Variants in SLC9A7 observed in about 807,000 individuals in gnomAD.
The protein encoded by SLC9A7 is solute carrier family 9 member A7.
In SLC9A7, 19 loss-of-function variants were observed where a neutral mutation model predicts 52.6. The observed-to-expected ratio is 0.36, with a 90% CI of 0.25 to 0.53. The LOEUF (loss-of-function observed/expected upper bound fraction) is 0.53. SLC9A7 is among the 20% of genes least tolerant of loss of function. SLC9A7 has a pLI of 0.91. For missense variants in SLC9A7, 455 were observed against 597.9 expected, an observed-to-expected ratio of 0.76 and a Z score of 2.49; for synonymous variants, 226 against 252.1, an observed-to-expected ratio of 0.90 and a Z score of 0.98.
chrX:46,741,523 A>C (rs1206792703), intron 1 of SLC9A7, among the ~76,000 whole-genome samples: 1 of 111,659 alleles, frequency 9.0e-6, no homozygotes, highest in African/African-American at 3.2e-5. Flanking sequence ...ACAGTAATTC[A>C]GTGAAGAAAA....
At chrX:46,728,137 T>C (rs1489247509) in intron 1 of SLC9A7, among the ~76,000 whole-genome samples, 1 of 111,428 alleles carries the variant, frequency 9.0e-6, no homozygotes, top group Non-Finnish European at 1.9e-5. Context: ...GCACAAGCCA[T>C]AAAGGAAAAA....
rs1367580906 is a variant in SLC9A7 at position 46,643,162 on chromosome X, C to T, written c.1616+74G>A. 20 of 1,019,054 alleles carry T rather than the reference C, an allele frequency of 2.0e-5. 1 individual carries two copies. Among genetic ancestry groups the T allele is most frequent in the Admixed American group, 1.9e-4 (8 of 41,805 alleles). The allele number at this position is 1,019,054 out of a possible 1,213,427, so 84.0% of individuals were successfully genotyped here. On this transcript the variant is annotated intron_variant, in intron 12 of 16. Transcript: ENST00000616978. The stretch of plus-strand genomic sequence containing the variant: ...GTTTCCATGAACTAAAGTAGCACAT[C>T]CTGCACAGGTTGTTGAACATTCTCA...
At chrX:46,747,536 C>T (rs1170663350) in intron 1 of SLC9A7, among the ~76,000 whole-genome samples, 3 of 110,449 alleles carry the variant, frequency 2.7e-5, no homozygotes, top group African/African-American at 6.6e-5. Flanking sequence ...TTTCAAACTC[C>T]TCATTTTTCC....
At position 46,682,960 on chromosome X, in the gene SLC9A7, A is replaced by ATTTTTTTTTTTTTTTTTTTTTTTTTTT. The variant is rs1169630244; in HGVS notation, c.326-426_326-425insAAAAAAAAAAAAAAAAAAAAAAAAAAA. On this transcript the variant is annotated intron_variant, in intron 1 of 16. Coordinates refer to ENST00000616978, the MANE Select transcript of SLC9A7 (RefSeq NM_001257291.2). ...AGGCACCCACCACTACACCCGGCTA[A>ATTTTTTTTTTTTTTTTTTTTTTTTTTT]TTTTTTTTTTTTTTTTTTTTTTGTA... Among the ~76,000 whole-genome samples the ATTTTTTTTTTTTTTTTTTTTTTTTTTT allele has an allele frequency of 2.2e-4, 14 of 64,906 alleles. 2 individuals are homozygous for ATTTTTTTTTTTTTTTTTTTTTTTTTTT. Among genetic ancestry groups the ATTTTTTTTTTTTTTTTTTTTTTTTTTT allele is most frequent in the East Asian group, 4.9e-4 (1 of 2,026 alleles). The allele number at this position is 64,906 out of a possible 115,157, so 56.4% of individuals were successfully genotyped here.
intron 14 of SLC9A7, among the ~76,000 whole-genome samples, chrX:46,623,874 A>G (rs1943082391): frequency 8.9e-6 from 1 of 112,018 alleles, no homozygotes; most frequent in African/African-American, 3.3e-5. Context: ...ATTTATGCTA[A>G]TAAGGTGACT....
intron 1 of SLC9A7, among the ~76,000 whole-genome samples, chrX:46,749,941 C>T (rs762727596): frequency 1.8e-5 from 2 of 109,964 alleles, no homozygotes; most frequent in Non-Finnish European, 3.8e-5. Flanking sequence ...ATTAGCCAGG[C>T]GTGGTGGAGC....
chrX:46,717,383 C>T (rs1196488005), intron 1 of SLC9A7, among the ~76,000 whole-genome samples: 8 of 111,785 alleles, frequency 7.2e-5, no homozygotes, highest in Non-Finnish European at 5.6e-5. Context: ...GTAGGGTCAT[C>T]CAAAATCTTT....
intron 1 of SLC9A7, among the ~76,000 whole-genome samples, chrX:46,738,103 G>GA (rs1921009073): frequency 2.1e-5 from 1 of 46,587 alleles, no homozygotes; most frequent in East Asian, 3.9e-4. Flanking sequence ...AAGAAAGAAA[G>GA]AAAGAGAAAA....
At chrX:46,624,985 T>C (rs773941049) in intron 14 of SLC9A7, among the ~76,000 whole-genome samples, 1 of 111,875 alleles carries the variant, frequency 8.9e-6, no homozygotes, top group Middle Eastern at 4.6e-3. Flanking sequence ...AGGAGCACTC[T>C]TTCCAGAAGG....
chrX:46,684,273 C>A (rs1944258519), intron 1 of SLC9A7, among the ~76,000 whole-genome samples: 1 of 111,844 alleles, frequency 8.9e-6, no homozygotes, highest in Admixed American at 9.5e-5. Flanking sequence ...GGTGCAATCT[C>A]GGCTTGCTGC....
chrX:46,655,189 T>C (rs1314086040), intron 7 of SLC9A7, among the ~76,000 whole-genome samples: 1 of 110,260 alleles, frequency 9.1e-6, no homozygotes, highest in African/African-American at 3.3e-5. Flanking sequence ...TTCACGATGT[T>C]GGCCAAGCTG....
intron 12 of SLC9A7, among the ~76,000 whole-genome samples, chrX:46,640,125 A>G (rs746112668): frequency 1.2e-4 from 14 of 112,133 alleles, no homozygotes; most frequent in Non-Finnish European, 2.4e-4. Context: ...GAACTAGAAT[A>G]GCCATAACAA....
chrX:46,663,815 C>T lies in SLC9A7; in HGVS notation c.794-1172G>A, dbSNP rs58485366. 8.8e-4 allele frequency among the ~76,000 whole-genome samples: 96 copies of T among 109,056 alleles called. 3 individuals are homozygous for T. The East Asian group carries it at 0.025, about 28-fold the overall frequency. The allele number at this position is 109,056 out of a possible 115,157, so 94.7% of individuals were successfully genotyped here. A position where few individuals can be genotyped will look rare whatever the true frequency, so the allele number is the denominator to read the frequency against. On this transcript the variant is annotated intron_variant, in intron 5 of 16. Transcript: ENST00000616978. ...TCTCTACTAAAAATACAAAATTAGC[C>T]GGGTGTGGTGGCAGGCGCCTGTAAT...
chrX:46,725,040 C>T (rs1944920457), intron 1 of SLC9A7: 1 of 436,911 alleles, frequency 2.3e-6, no homozygotes, highest in East Asian at 3.8e-5. Flanking sequence ...TTAAACTTTC[C>T]TTCAAAGAAA....
chrX:46,734,820 T>C (rs1945096390), intron 1 of SLC9A7, among the ~76,000 whole-genome samples: 1 of 112,153 alleles, frequency 8.9e-6, no homozygotes. Context: ...TAACAAGTTA[T>C]GCAACCATCA....
intron 1 of SLC9A7, among the ~76,000 whole-genome samples, chrX:46,703,038 C>T: frequency 8.9e-6 from 1 of 112,352 alleles, no homozygotes; most frequent in East Asian, 2.8e-4. Flanking sequence ...CAGTGATAAT[C>T]AACTTTTTTT....
rs1943037012 is a variant in SLC9A7, at chrX:46,621,014, C to T, written c.1786G>A (p.Ala596Thr). 7.5e-6 allele frequency: 9 copies of T among 1,207,888 alleles called. No individual in the cohort carries two copies. The highest frequency in any genetic ancestry group is 9.0e-6 in the Non-Finnish European group (8 of 892,882). Reference sequence around the variant, plus strand: ...CTGTACCACAGCCTGAATATCCATGCGCTCTCCTGTTTTGTCCGGTTTCCT... The same window carrying T: ...CTGTACCACAGCCTGAATATCCATGTGCTCTCCTGTTTTGTCCGGTTTCCT... Reference protein sequence around the residue: ...ARGNRTKQESAWIFRLWYSFD... With the variant: ...ARGNRTKQESTWIFRLWYSFD... The change falls in exon 15 of 17, where the codon GCA becomes ACA. Residue 596 changes from alanine (A) to threonine (T), a missense_variant. Physicochemically the swap from Ala to Thr is moderately conservative, Grantham distance 58. This residue lies in a region of SLC9A7 where 146 missense variants were observed against 160.5 expected (regional missense o/e 0.91). Transcript: ENST00000616978.
At chrX:46,722,852 C>T (rs1222970314) in intron 1 of SLC9A7, among the ~76,000 whole-genome samples, 4 of 111,963 alleles carry the variant, frequency 3.6e-5, no homozygotes, top group Non-Finnish European at 7.5e-5. Flanking sequence ...TAATTTTAGG[C>T]CACCACACGG....
chrX:46,613,882 T>C (rs901875217), intron 15 of SLC9A7, among the ~76,000 whole-genome samples: 1 of 111,618 alleles, frequency 9.0e-6, no homozygotes, highest in African/African-American at 3.3e-5. Flanking sequence ...GACAGGACCT[T>C]AGAGGTAGCC....
Sources: gnomAD v4.1 joint callset for allele counts (sites outside exome capture counted in the v4.1 genomes callset) on GRCh38, gnomAD v4.1.1 for gene constraint, gnomAD v4.1.1 regional missense constraint, MANE v1.5 for transcripts, NCBI Gene and HGNC (gene_info 2026-07-23, HGNC 2026-07-21) for gene names.